CNTNAP4: variants seen among roughly 807,000 people sequenced by gnomAD.
CNTNAP4 encodes contactin associated protein family member 4.
Under a neutral mutation model 148.4 loss-of-function variants are expected in CNTNAP4, and 98 were observed. The observed-to-expected ratio is 0.66, with a 90% confidence interval of 0.56 to 0.78. The LOEUF is 0.78. Among genes scored for constraint, CNTNAP4 ranks in the 30% least tolerant of loss-of-function variants. The pLI is 0.00. For missense variants in CNTNAP4, 1,935 were observed against 1,565.6 expected, an observed-to-expected ratio of 1.24 and a Z score of -3.98; for synonymous variants, 730 against 565.1, an observed-to-expected ratio of 1.29 and a Z score of -4.14.
At chr16:76,337,092 G>T (rs1964086416) in intron 2 of CNTNAP4, among the ~76,000 whole-genome samples, 1 of 152,228 alleles carries the variant, frequency 6.6e-6, no homozygotes, top group Admixed American at 6.5e-5. Context: ...TATTAGTAGT[G>T]ATCTTAAAAT....
intron 20 of CNTNAP4, 119 bp downstream of exon 20, chr16:76,539,971 C>A (rs2084380362): frequency 1.4e-6 from 1 of 691,558 alleles, no homozygotes; most frequent in Non-Finnish European, 2.4e-6. Context: ...TCTTCTTCTG[C>A]AGATAATAGA....
chr16:76,470,776 A>G (rs2081341139), intron 10 of CNTNAP4, among the ~76,000 whole-genome samples: 1 of 152,150 alleles, frequency 6.6e-6, no homozygotes, highest in Non-Finnish European at 1.5e-5. Flanking sequence ...GCTCAAACCT[A>G]CAGATAAAGG....
intron 13 of CNTNAP4, 101 bp from the exon 14 acceptor site, chr16:76,494,809 C>A: frequency 1.6e-6 from 2 of 1,246,352 alleles, no homozygotes; most frequent in Non-Finnish European, 2.2e-6. Context: ...TCCTTTTCTC[C>A]TTTTATTCTT....
At chr16:76,356,534 C>T (rs1030535264) in intron 3 of CNTNAP4, among the ~76,000 whole-genome samples, 2 of 151,980 alleles carry the variant, frequency 1.3e-5, no homozygotes, top group African/African-American at 4.8e-5. Context: ...GGAAGAAGAA[C>T]CTAAAGGATG....
intron 13 of CNTNAP4, among the ~76,000 whole-genome samples, chr16:76,491,761 C>T (rs905915068): frequency 1.3e-5 from 2 of 152,086 alleles, no homozygotes; most frequent in African/African-American, 2.4e-5. Flanking sequence ...TTTCAGTGTT[C>T]GGCTTATTCT....
At chr16:76,333,908 C>T (rs1419185027) in intron 2 of CNTNAP4, among the ~76,000 whole-genome samples, 3 of 149,454 alleles carry the variant, frequency 2.0e-5, no homozygotes, top group South Asian at 4.2e-4. Flanking sequence ...TCCACATCCT[C>T]TACAGCACCT....
intron 2 of CNTNAP4, among the ~76,000 whole-genome samples, chr16:76,324,937 T>A (rs1284532539): frequency 6.6e-6 from 1 of 152,238 alleles, no homozygotes; most frequent in Non-Finnish European, 1.5e-5. Context: ...AGCCTGTGAA[T>A]TTTGTTGGGA....
chr16:76,487,057 C>G (rs1014557122), intron 12 of CNTNAP4, among the ~76,000 whole-genome samples: 9 of 152,168 alleles, frequency 5.9e-5, no homozygotes, highest in African/African-American at 2.2e-4. Context: ...GGCAAGATAA[C>G]TCCTTAACTT....
chr16:76,546,500 G>A (rs898548974), intron 21 of CNTNAP4, among the ~76,000 whole-genome samples: 3 of 152,092 alleles, frequency 2.0e-5, no homozygotes, highest in African/African-American at 7.2e-5. Flanking sequence ...AGAATCTAAT[G>A]CCTGATGACC....
intron 3 of CNTNAP4, among the ~76,000 whole-genome samples, chr16:76,421,872 A>G (rs2079202344): frequency 6.6e-6 from 1 of 152,136 alleles, no homozygotes; most frequent in Non-Finnish European, 1.5e-5. Context: ...TGATTTCTAT[A>G]TAATTGCAGA....
intron 21 of CNTNAP4, among the ~76,000 whole-genome samples, chr16:76,549,668 A>AT (rs34091775): frequency 0.037 from 5,613 of 151,836 alleles, 319 homozygotes; most frequent in African/African-American, 0.12. Flanking sequence ...AAAAAATATG[A>AT]TTTTTTTTCC....
At chr16:76,312,919 T>A (rs1961293866) in intron 1 of CNTNAP4, among the ~76,000 whole-genome samples, 1 of 152,178 alleles carries the variant, frequency 6.6e-6, no homozygotes, top group Non-Finnish European at 1.5e-5. Flanking sequence ...TTATTATTAG[T>A]TCTGTAAGAA....
At chr16:76,382,880 A>C (rs1324331996) in intron 3 of CNTNAP4, among the ~76,000 whole-genome samples, 1 of 152,210 alleles carries the variant, frequency 6.6e-6, no homozygotes, top group East Asian at 1.9e-4. Flanking sequence ...GTCAAAGACT[A>C]CTGGAGTGAT....
At chr16:76,455,739 G>A (rs906853303) in intron 8 of CNTNAP4, among the ~76,000 whole-genome samples, 2 of 152,180 alleles carry the variant, frequency 1.3e-5, no homozygotes, top group African/African-American at 4.8e-5. Context: ...TTTCCCTGAG[G>A]AATGGCCTAG....
chr16:76,306,746 T>C (rs1960516820), intron 1 of CNTNAP4, among the ~76,000 whole-genome samples: 2 of 152,304 alleles, frequency 1.3e-5, no homozygotes, highest in Non-Finnish European at 2.9e-5. Context: ...AACACACTTT[T>C]CTTTGCTTAA....
intron 1 of CNTNAP4, chr16:76,287,675 G>A (rs527357803): frequency 6.6e-6 from 1 of 152,320 alleles, no homozygotes; most frequent in South Asian, 2.1e-4. Context: ...GTTAGCGATG[G>A]CCAGGGTTGA....
chr16:76,490,926 G>A (rs1235867586), intron 13 of CNTNAP4, among the ~76,000 whole-genome samples: 1 of 152,042 alleles, frequency 6.6e-6, no homozygotes, highest in Non-Finnish European at 1.5e-5. Flanking sequence ...TCCTAAGAAG[G>A]GCTGGAGTTT....
At chr16:76,423,952 C>A (rs1296631458) in intron 3 of CNTNAP4, among the ~76,000 whole-genome samples, 1 of 151,954 alleles carries the variant, frequency 6.6e-6, no homozygotes, top group Non-Finnish European at 1.5e-5. Flanking sequence ...TTAATACATG[C>A]CCATTAAAAA....
chr16:76,363,082 G>A (rs2013640629), intron 3 of CNTNAP4, among the ~76,000 whole-genome samples: 1 of 151,018 alleles, frequency 6.6e-6, no homozygotes, highest in African/African-American at 2.4e-5. Flanking sequence ...TAGACAATGG[G>A]GAATGTATAG....
Sources: gnomAD v4.1 joint callset for allele counts (sites outside exome capture counted in the v4.1 genomes callset) on GRCh38, gnomAD v4.1.1 for gene constraint, MANE v1.5 for transcripts, NCBI Gene and HGNC (gene_info 2026-07-23, HGNC 2026-07-21) for gene names.